The following NDE1 variants were observed in gnomAD, a reference collection of about 807,000 sequenced individuals.
NDE1 encodes nudE neurodevelopment protein 1.
NDE1 carries 28 observed loss-of-function variants against 43.4 expected under a neutral mutation model. The observed-to-expected ratio is 0.65, with a 90% confidence interval of 0.48 to 0.89. The LOEUF (loss-of-function observed/expected upper bound fraction) is 0.89. Among genes scored for constraint, NDE1 ranks in the 40% least tolerant of loss-of-function variants. NDE1 has a pLI of 0.00. For synonymous variants in NDE1, 184 were observed against 172.0 expected, an observed-to-expected ratio of 1.07 and a Z score of -0.55; for missense variants, 441 against 434.1, an observed-to-expected ratio of 1.02 and a Z score of -0.14.
Position 15,667,419 on chromosome 16 carries a change from A to G in NDE1, c.217A>G (p.Met73Val), listed in dbSNP as rs1466400357. Residue 73 changes from methionine (M) to valine (V), a missense_variant, in exon 3 of 9, where the codon ATG becomes GTG. Coordinates refer to ENST00000396354, the MANE Select transcript of NDE1 (RefSeq NM_017668.3). ...CCTGTCCGAAAATAACCGCCTTCGC[A>G]TGGAGCTGGAAACCATCAAGGTGAG... is the stretch of plus-strand genomic sequence containing the variant. The part of the protein sequence containing the change: ...DLLSENNRLR[M>V]ELETIKEKFE... 3.7e-6 allele frequency: 6 copies of G among 1,613,760 alleles called. No individual in the cohort carries two copies. In the African/African-American group the frequency reaches 5.3e-5, roughly 14 times the overall value.
At position 15,724,535 on chromosome 16, in the gene NDE1, T is replaced by TG. The variant is rs886051743; in HGVS notation, c.*290dup. 61 of 1,606,892 alleles carry TG rather than the reference T, an allele frequency of 3.8e-5. No individual in the cohort carries two copies. Among genetic ancestry groups the TG allele is most frequent in the Admixed American group, 5.0e-5 (3 of 59,964 alleles). On this transcript the variant is annotated 3_prime_UTR_variant, in exon 9 of 9. Coordinates refer to ENST00000396354, the MANE Select transcript of NDE1 (RefSeq NM_017668.3). Reference sequence around the variant, plus strand: ...GGAGAAACCCAATAGCAGGGGAAGCTGGGGGGTCAAGCACCATCGCACCAA... The same window carrying TG: ...GGAGAAACCCAATAGCAGGGGAAGCTGGGGGGGTCAAGCACCATCGCACCAA...
chr16:15,710,531 TAAAAA>T (rs553370789), intron 8 of NDE1, among the ~76,000 whole-genome samples: 2,473 of 151,338 alleles, frequency 0.016, 68 homozygotes, highest in African/African-American at 0.056. Flanking sequence ...AAATAAATAA[TAAAAA>T]GAAAAGAAAT....
At chr16:15,648,787 A>C (rs764147326), upstream of NDE1, among the ~76,000 whole-genome samples, 1 of 151,820 alleles carries the variant, frequency 6.6e-6, no homozygotes, top group Admixed American at 6.6e-5. Context: ...CAGCCTGGGC[A>C]ACAAGAGGGA....
chr16:15,677,080 T>C (rs1231416943), intron 3 of NDE1, among the ~76,000 whole-genome samples: 2 of 152,108 alleles, frequency 1.3e-5, no homozygotes, highest in East Asian at 1.9e-4. Flanking sequence ...GCAGAGGCAC[T>C]CAGGACATAA....
At chr16:15,677,076 G>T (rs1469781360) in intron 3 of NDE1, among the ~76,000 whole-genome samples, 1 of 152,100 alleles carries the variant, frequency 6.6e-6, no homozygotes, top group East Asian at 1.9e-4. Flanking sequence ...GGGGGCAGAG[G>T]CACTCAGGAC....
chr16:15,662,091 A>C (rs2037074713), intron 1 of NDE1, among the ~76,000 whole-genome samples: 1 of 151,446 alleles, frequency 6.6e-6, no homozygotes, highest in Admixed American at 6.6e-5. Context: ...GTTGCACCAC[A>C]CCAGTCTAAT....
At chr16:15,660,893 C>G (rs1022228147) in intron 1 of NDE1, among the ~76,000 whole-genome samples, 3 of 152,162 alleles carry the variant, frequency 2.0e-5, no homozygotes, top group Admixed American at 1.3e-4. Flanking sequence ...GTTACCATTT[C>G]TTAAACTGCC....
intron 3 of NDE1, among the ~76,000 whole-genome samples, chr16:15,671,873 T>C (rs969408603): frequency 1.3e-5 from 2 of 151,952 alleles, no homozygotes; most frequent in African/African-American, 4.8e-5. Flanking sequence ...TTGTTATTTT[T>C]TGTAGAGACG....
chr16:15,695,420 A>G (rs2038965231), intron 7 of NDE1: 3 of 867,450 alleles, frequency 3.5e-6, no homozygotes, highest in Non-Finnish European at 4.1e-6. Context: ...ATGCAGGAAA[A>G]TTGTTTGAAT....
chr16:15,721,824 C>G, intron 8 of NDE1: 1 of 637,580 alleles, frequency 1.6e-6, no homozygotes, highest in Non-Finnish European at 2.7e-6. Context: ...TTATGCAGAG[C>G]CAGAAATCAG....
intron 8 of NDE1, among the ~76,000 whole-genome samples, chr16:15,709,275 A>C (rs2151174928): frequency 6.6e-6 from 1 of 151,870 alleles, no homozygotes; most frequent in Non-Finnish European, 1.5e-5. Flanking sequence ...TCAACGTTGC[A>C]GTGAATCACC....
Position 15,725,010 on chromosome 16 carries a change from C to G in NDE1, c.*759C>G. 2 of 1,610,524 alleles carry G rather than the reference C, an allele frequency of 1.2e-6. No individual in the cohort carries two copies. The highest frequency in any genetic ancestry group is 1.7e-6 in the Non-Finnish European group (2 of 1,177,540). On this transcript the variant is annotated 3_prime_UTR_variant, in exon 9 of 9. Coordinates refer to ENST00000396354, the MANE Select transcript of NDE1 (RefSeq NM_017668.3). ...ACTTCATTCTAAGGGTGCCAAGAGA[C>G]TGGTTAGTCAAAGCCTCTAGAAGGG...
chr16:15,695,933 T>A (rs2038988254), intron 7 of NDE1: 1 of 153,980 alleles, frequency 6.5e-6, no homozygotes, highest in South Asian at 2.1e-4. Context: ...AACCAAAGGG[T>A]GAAGGATTCC....
intron 8 of NDE1, among the ~76,000 whole-genome samples, chr16:15,697,446 C>G (rs553241166): frequency 2.4e-4 from 37 of 152,182 alleles, no homozygotes; most frequent in Admixed American, 1.4e-3. Context: ...TGGTGACGCT[C>G]GCCTGTAATC....
At chr16:15,656,651 C>G (rs117673385) in intron 1 of NDE1, among the ~76,000 whole-genome samples, 1,681 of 152,190 alleles carry the variant, frequency 0.011, 20 homozygotes, top group Non-Finnish European at 0.013. Flanking sequence ...AGAGTTTCTT[C>G]TGTTTCAGCC....
At chr16:15,675,527 C>T (rs1208526211) in intron 3 of NDE1, among the ~76,000 whole-genome samples, 1 of 151,712 alleles carries the variant, frequency 6.6e-6, no homozygotes, top group African/African-American at 2.4e-5. Flanking sequence ...GCCTCAACCT[C>T]CTGGTCTCAG....
At position 15,726,328 on chromosome 16, in the gene NDE1, CAATA is replaced by C; in HGVS notation, c.*2082_*2085del. ...CAGTGCCTGGCATACAGCAGGTGCT[CAATA>C]AATACTTATCAAATTGGAAAAGGAA... On this transcript the variant is annotated 3_prime_UTR_variant, in exon 9 of 9. Transcript: ENST00000396354. 1 of 172,560 alleles carries C rather than the reference CAATA, an allele frequency of 5.8e-6. No homozygotes were observed. The highest frequency in any genetic ancestry group is 1.3e-5 in the Non-Finnish European group (1 of 79,732). The allele number at this position is 172,560 out of a possible 1,614,324, so 10.7% of individuals were successfully genotyped here.
At chr16:15,716,424 G>T (rs1436200312) in intron 8 of NDE1, among the ~76,000 whole-genome samples, 3 of 152,176 alleles carry the variant, frequency 2.0e-5, no homozygotes, top group South Asian at 2.1e-4. Flanking sequence ...TAAGAAATGT[G>T]CTGTGATCAT....
rs1167410546 is a variant in NDE1, at chr16:15,700,183, G to A, written c.947+3323G>A. The A allele has an allele frequency of 3.3e-5, 29 of 885,192 alleles. No individual in the cohort carries two copies. In the East Asian group the frequency reaches 4.5e-4, roughly 14 times the overall value. 54.8% of individuals were successfully genotyped at this position (885,192 alleles called of 1,614,324 possible). ...GTGATCTCAGCTCACTGCAACCTCC[G>A]CCTCCTGGGTTCAAACGGTTCTTGT... On this transcript the variant is annotated intron_variant, in intron 8 of 8. Transcript: ENST00000396354.
Sources: allele counts gnomAD v4.1 joint callset (sites outside exome capture counted in the v4.1 genomes callset), GRCh38; gene constraint gnomAD v4.1.1; transcripts MANE v1.5; gene names NCBI Gene and HGNC (gene_info 2026-07-23, HGNC 2026-07-21).